ZNF606: variants seen among roughly 807,000 people sequenced by gnomAD.
ZNF606 encodes zinc finger protein 328.
In ZNF606, 37 loss-of-function variants were observed where a neutral mutation model predicts 74.9. The observed-to-expected ratio is 0.49, with a 90% confidence interval of 0.38 to 0.65. The LOEUF (loss-of-function observed/expected upper bound fraction) is 0.65. Among genes scored for constraint, ZNF606 ranks in the 30% least tolerant of loss-of-function variants. The pLI is 0.00. For synonymous variants in ZNF606, 328 were observed against 312.4 expected (o/e 1.05, Z -0.53); for missense variants, 852 against 952.9 (o/e 0.89, Z 1.39).
At chr19:57,999,649 C>T (rs558929388) in intron 4 of ZNF606, 159 bp downstream of exon 4, 21 of 670,270 alleles carry the variant, frequency 3.1e-5, no homozygotes, top group East Asian at 1.9e-4. Flanking sequence ...TCACTAAAAA[C>T]GGCCTAATTC....
intron 6 of ZNF606, among the ~76,000 whole-genome samples, chr19:57,984,356 T>C (rs900318027): frequency 2.0e-5 from 3 of 152,154 alleles, no homozygotes; most frequent in African/African-American, 7.2e-5. Context: ...GGGCTCTGGA[T>C]GGTAACTAAG....
At chr19:57,989,395 ATCTAAG>A (rs2073215939) in intron 4 of ZNF606, among the ~76,000 whole-genome samples, 1 of 152,124 alleles carries the variant, frequency 6.6e-6, no homozygotes, top group African/African-American at 2.4e-5. Flanking sequence ...AGGAAAGGTA[ATCTAAG>A]TCTGATTTTT....
chr19:58,001,180 G>A lies in ZNF606; in HGVS notation c.31+109C>T. 4 of 1,324,342 alleles carry A rather than the reference G, an allele frequency of 3.0e-6. No homozygotes were observed. In the South Asian group the frequency reaches 3.8e-5, roughly 12 times the overall value. 82.0% of individuals were successfully genotyped at this position (1,324,342 alleles called of 1,614,324 possible). A position where few individuals can be genotyped will look rare whatever the true frequency, so the allele number is the denominator to read the frequency against. On this transcript the variant is annotated intron_variant, in intron 2 of 6. Transcript: ENST00000551380. Reference sequence around the variant, plus strand: ...TCAGTTCTAATTTTGTACCAAGATAGACAGACCCCCTTCCATCCTCAAAAG... The same window carrying A: ...TCAGTTCTAATTTTGTACCAAGATAAACAGACCCCCTTCCATCCTCAAAAG...
Position 57,978,908 on chromosome 19 carries a change from G to A in ZNF606, c.1772C>T (p.Thr591Met), listed in dbSNP as rs780776043. 2.5e-6 allele frequency: 4 copies of A among 1,613,994 alleles called. No individual in the cohort carries two copies. Among genetic ancestry groups the A allele is most frequent in the Non-Finnish European group, 2.5e-6 (3 of 1,180,030 alleles). ...CTGACAGTTATATGGTTTCTCTCCC[G>A]TGTGAGTTCTCTGATGGGCAATAAG... ...SHLIAHQRTH[T>M]GEKPYNCQEC... Residue 591 changes from threonine to methionine, a missense_variant, in exon 7 of 7, where the codon ACG (threonine) becomes ATG (methionine). Transcript: ENST00000551380. The surrounding 1 kb of genome is among the most constrained non-coding windows in gnomAD (Gnocchi z 4.4).
chr19:57,991,497 G>A (rs1385114559), intron 4 of ZNF606, among the ~76,000 whole-genome samples: 2 of 152,042 alleles, frequency 1.3e-5, no homozygotes, highest in Non-Finnish European at 2.9e-5. Context: ...GTAATGTAAG[G>A]TTTTTTTATT....
chr19:58,002,877 C>G (rs1266796243), upstream of ZNF606: 1 of 431,364 alleles, frequency 2.3e-6, no homozygotes, highest in Non-Finnish European at 4.6e-6. Context: ...CTTCCGGCGT[C>G]GGGCAGCGGC....
intron 4 of ZNF606, among the ~76,000 whole-genome samples, chr19:57,992,270 C>T (rs1025758951): frequency 6.6e-6 from 1 of 152,144 alleles, no homozygotes; most frequent in African/African-American, 2.4e-5. Flanking sequence ...CTGACAATAC[C>T]TGCACCCACT....
intron 6 of ZNF606, among the ~76,000 whole-genome samples, chr19:57,983,573 C>T (rs1219439334): frequency 2.1e-5 from 3 of 145,194 alleles, no homozygotes; most frequent in South Asian, 2.1e-4. Flanking sequence ...GGCAAAACTC[C>T]GTCTCAAAAA....
At chr19:58,003,150 G>A, upstream of ZNF606, 1 of 440,424 alleles carries the variant, frequency 2.3e-6, no homozygotes, top group Admixed American at 2.4e-5. Context: ...CGCTCTCGAG[G>A]GATCCTTCCA....
At position 58,002,677 on chromosome 19, in the gene ZNF606, G is replaced by C. The variant is rs1372487690; in HGVS notation, c.-333C>G. 4.4e-6 allele frequency: 2 copies of C among 454,464 alleles called. No individual in the cohort carries two copies. Among genetic ancestry groups the C allele is most frequent in the Non-Finnish European group, 8.8e-6 (2 of 226,004 alleles). 28.2% of individuals were successfully genotyped at this position (454,464 alleles called of 1,614,324 possible). ...GACGGCGCAAAGCCGGCGCGGAAAG[G>C]GCAGGCGCAGGACCCACCCTGACGC... On this transcript the variant is annotated 5_prime_UTR_variant, in exon 1 of 7. Coordinates refer to ENST00000551380, the MANE Select transcript of ZNF606 (RefSeq NM_001348022.3).
At chr19:57,990,632 C>T (rs907312867) in intron 4 of ZNF606, among the ~76,000 whole-genome samples, 2 of 151,952 alleles carry the variant, frequency 1.3e-5, no homozygotes, top group African/African-American at 2.4e-5. Flanking sequence ...GTCCTCTGGA[C>T]CTGTGCCCCT....
upstream of ZNF606, chr19:58,002,857 C>T: frequency 4.6e-6 from 2 of 436,526 alleles, no homozygotes; most frequent in South Asian, 3.2e-5. Context: ...GCTGTAGTTC[C>T]AGGCGGGCAC....
Position 57,978,721 on chromosome 19 carries a change from T to G in ZNF606, c.1959A>C (p.Glu653Asp). ...TGAAGGATTTTCCACATTTATTGCA[T>G]TCATAGGGTTTTTCTCCAGTATGAG... The part of the protein sequence containing the change: ...QRTHTGEKPY[E>D]CNKCGKSFSQ... Residue 653 changes from glutamate to aspartate, a missense_variant, in exon 7 of 7, where the codon GAA (glutamate) becomes GAC (aspartate). By Grantham distance (45) the Glu-to-Asp change is conservative. Coordinates refer to ENST00000551380, the MANE Select transcript of ZNF606 (RefSeq NM_001348022.3). This position sits in a 1 kb window ranked among gnomAD's most constrained non-coding sequence, Gnocchi z 4.4. The G allele has an allele frequency of 4.3e-6, 7 of 1,614,218 alleles. No individual in the cohort carries two copies. The highest frequency in any genetic ancestry group is 5.9e-6 in the Non-Finnish European group (7 of 1,180,034).
Position 58,001,383 on chromosome 19 carries a change from G to A in ZNF606, c.-51-13C>T. On this transcript the variant is annotated splice_polypyrimidine_tract_variant and intron_variant, in intron 1 of 6. Coordinates refer to ENST00000551380, the MANE Select transcript of ZNF606 (RefSeq NM_001348022.3). ...AGCAAATCCCAACCTAGTGACAAAA[G>A]TGAAAAAAGACAAAACTAGTCCTTT... The A allele has an allele frequency of 1.2e-6, 2 of 1,607,576 alleles. No individual in the cohort carries two copies. Among genetic ancestry groups the A allele is most frequent in the Non-Finnish European group, 1.7e-6 (2 of 1,174,980 alleles).
At position 57,988,306 on chromosome 19, in the gene ZNF606, T is replaced by A; in HGVS notation, c.305-4A>T. On this transcript the variant is annotated splice_region_variant and splice_polypyrimidine_tract_variant and intron_variant, in intron 5 of 6. Transcript: ENST00000551380. ...TCAGGCTTGGCAATCTGATTTCCTA[T>A]GCATGGAGGAAAAGCATGGAAATCA... The A allele has an allele frequency of 6.2e-7, 1 of 1,612,436 alleles. No individual in the cohort carries two copies. Among genetic ancestry groups the A allele is most frequent in the South Asian group, 1.1e-5 (1 of 90,924 alleles).
At chr19:57,981,457 A>C (rs961009514) in intron 6 of ZNF606, among the ~76,000 whole-genome samples, 14 of 152,360 alleles carry the variant, frequency 9.2e-5, no homozygotes, top group South Asian at 2.1e-4. Flanking sequence ...TAAAAAAGAA[A>C]AAAAAAGAAT....
chr19:57,999,264 C>G (rs2073381048), intron 4 of ZNF606: 1 of 153,808 alleles, frequency 6.5e-6, no homozygotes, highest in South Asian at 2.1e-4. Context: ...TCCACACAGA[C>G]TCTGTCCCAT....
chr19:57,986,579 ATTC>A (rs1343632985), intron 6 of ZNF606, among the ~76,000 whole-genome samples: 5 of 152,204 alleles, frequency 3.3e-5, no homozygotes, highest in African/African-American at 1.2e-4. Flanking sequence ...TATAAGTAAA[ATTC>A]TTGTTTCTAG....
At chr19:57,999,757 C>T (rs369329247) in intron 4 of ZNF606, 51 bp downstream of exon 4, 3 of 1,570,610 alleles carry the variant, frequency 1.9e-6, no homozygotes, top group Non-Finnish European at 2.6e-6. Flanking sequence ...ACTGGGATGA[C>T]CAGGGATAAC....
Sources: gnomAD v4.1 joint callset for allele counts (sites outside exome capture counted in the v4.1 genomes callset) on GRCh38, gnomAD v4.1.1 for gene constraint, Gnocchi (gnomAD v3.1) non-coding constraint, MANE v1.5 for transcripts, NCBI Gene and HGNC (gene_info 2026-07-23, HGNC 2026-07-21) for gene names.